The following PITPNB variants were observed in gnomAD, a reference collection of about 807,000 sequenced individuals.
PITPNB encodes phosphatidylinositol transfer protein beta.
In PITPNB, 16 loss-of-function variants were observed where a neutral mutation model predicts 45.9. The ratio of observed to expected loss-of-function variants is 0.35; its 90% CI spans 0.24 to 0.53. The LOEUF is 0.53. Among genes scored for constraint, PITPNB ranks in the 20% least tolerant of loss-of-function variants. The pLI is 0.93. For missense variants in PITPNB, 188 were observed against 330.5 expected (o/e 0.57, Z 3.34); for synonymous variants, 112 against 108.9 (o/e 1.03, Z -0.18).
At chr22:27,882,796 C>T (rs1420336109) in intron 7 of PITPNB, among the ~76,000 whole-genome samples, 1 of 152,198 alleles carries the variant, frequency 6.6e-6, no homozygotes, top group Admixed American at 6.5e-5. Context: ...ACTACACAAC[C>T]AACAGTTGGA....
chr22:27,912,378 C>T (rs959844259), intron 2 of PITPNB, among the ~76,000 whole-genome samples: 11 of 152,162 alleles, frequency 7.2e-5, no homozygotes, highest in Non-Finnish European at 1.5e-4. Flanking sequence ...GACTGCATTT[C>T]TCCTTTTGGC....
chr22:27,894,728 G>A, intron 6 of PITPNB, 90 bp from the exon 7 acceptor site: 1 of 650,204 alleles, frequency 1.5e-6, no homozygotes, highest in Non-Finnish European at 2.6e-6. Context: ...GTCTCTCAGG[G>A]GACATTATAG....
rs187688814 is a variant in PITPNB at position 27,860,029 on chromosome 22, T to C, written c.645+102A>G. 7.9e-5 allele frequency: 53 copies of C among 673,342 alleles called. No individual in the cohort carries two copies. The East Asian group carries it at 8.3e-4, about 11-fold the overall frequency. The allele number at this position is 673,342 out of a possible 1,614,324, so 41.7% of individuals were successfully genotyped here. A position where few individuals can be genotyped will look rare whatever the true frequency, so the allele number is the denominator to read the frequency against. On this transcript the variant is annotated intron_variant, in intron 9 of 11. Transcript: ENST00000335272. ...TTATGTAGGGACAATAATTTTCATATCATAAAGGAGGAAAAAAAGTAATAA... is the reference window on the plus strand; with the variant it reads ...TTATGTAGGGACAATAATTTTCATACCATAAAGGAGGAAAAAAAGTAATAA...
intron 8 of PITPNB, among the ~76,000 whole-genome samples, chr22:27,866,762 T>A (rs1159018370): frequency 1.3e-5 from 2 of 152,200 alleles, no homozygotes; most frequent in Admixed American, 1.3e-4. Context: ...CATATTTTCA[T>A]TTTTCAATTT....
At chr22:27,912,218 A>T (rs996815577) in intron 2 of PITPNB, among the ~76,000 whole-genome samples, 1 of 152,210 alleles carries the variant, frequency 6.6e-6, no homozygotes, top group Non-Finnish European at 1.5e-5. Context: ...TACAAATCAC[A>T]TGGAGATATG....
At chr22:27,875,154 A>G (rs561045063) in intron 7 of PITPNB, among the ~76,000 whole-genome samples, 1 of 152,392 alleles carries the variant, frequency 6.6e-6, no homozygotes, top group South Asian at 2.1e-4. Context: ...TTAAAGAAAG[A>G]TAAGTCTGTA....
chr22:27,884,906 T>C (rs1935071855), intron 7 of PITPNB, among the ~76,000 whole-genome samples: 1 of 152,064 alleles, frequency 6.6e-6, no homozygotes, highest in South Asian at 2.1e-4. Flanking sequence ...AAAAGTACCT[T>C]GAAAATTATA....
chr22:27,891,397 G>T (rs140080542), intron 7 of PITPNB, among the ~76,000 whole-genome samples: 1 of 152,258 alleles, frequency 6.6e-6, no homozygotes, highest in African/African-American at 2.4e-5. Flanking sequence ...ACAATGCTTG[G>T]TGTGAACACA....
At chr22:27,877,759 G>A (rs1934860511) in intron 7 of PITPNB, among the ~76,000 whole-genome samples, 1 of 152,216 alleles carries the variant, frequency 6.6e-6, no homozygotes, top group Admixed American at 6.5e-5. Context: ...AAGTGAGTAG[G>A]AGGTGGGGGG....
At chr22:27,868,677 C>T (rs754585345) in intron 8 of PITPNB, among the ~76,000 whole-genome samples, 24 of 152,098 alleles carry the variant, frequency 1.6e-4, no homozygotes, top group Non-Finnish European at 3.2e-4. Context: ...ATGGGGCATG[C>T]CTTTATGATG....
chr22:27,882,316 G>A lies in PITPNB; in HGVS notation c.457-8501C>T, dbSNP rs144339291. Among the ~76,000 whole-genome samples the A allele has an allele frequency of 1.4e-3, 216 of 152,224 alleles. 1 individual carries two copies. The highest frequency in any genetic ancestry group is 8.3e-3 in the Admixed American group (127 of 15,286). On this transcript the variant is annotated intron_variant, in intron 7 of 11. Transcript: ENST00000335272. ...TGCTCACTAAAAAAACTCAAAAAAT[G>A]GAATGGTATGTTCGAAATGAAAAGA...
intron 6 of PITPNB, among the ~76,000 whole-genome samples, chr22:27,895,497 G>GGA (rs34547151): frequency 0.035 from 5,357 of 152,082 alleles, 139 homozygotes; most frequent in South Asian, 0.052. Context: ...GGCTGAGGCA[G>GGA]GAGAATTGCT....
At chr22:27,893,963 T>C (rs1387689807) in intron 7 of PITPNB, among the ~76,000 whole-genome samples, 1 of 152,168 alleles carries the variant, frequency 6.6e-6, no homozygotes, top group African/African-American at 2.4e-5. Flanking sequence ...AATAAGCATC[T>C]TTACTTGTGA....
intron 2 of PITPNB, 105 bp from the exon 3 acceptor site, chr22:27,911,214 A>G (rs1935911595): frequency 1.4e-6 from 1 of 725,384 alleles, no homozygotes; most frequent in Admixed American, 2.3e-5. Context: ...GCATATCCAA[A>G]CCATTCAGCA....
intron 3 of PITPNB, among the ~76,000 whole-genome samples, chr22:27,900,285 A>C (rs947869656): frequency 2.6e-5 from 4 of 152,148 alleles, no homozygotes; most frequent in Non-Finnish European, 5.9e-5. Flanking sequence ...ACATATTTTA[A>C]CTATCCATTT....
intron 1 of PITPNB, among the ~76,000 whole-genome samples, chr22:27,917,340 A>G (rs1010642446): frequency 6.6e-6 from 1 of 152,234 alleles, no homozygotes; most frequent in Non-Finnish European, 1.5e-5. Flanking sequence ...AAATACTCCA[A>G]TGAAAGAAAA....
At chr22:27,856,734 G>A (rs1469470450) in intron 10 of PITPNB, among the ~76,000 whole-genome samples, 6 of 152,172 alleles carry the variant, frequency 3.9e-5, no homozygotes, top group African/African-American at 9.7e-5. Flanking sequence ...TGGGCTTAGC[G>A]TGTTTGGGTG....
intron 1 of PITPNB, among the ~76,000 whole-genome samples, chr22:27,918,085 G>C (rs1457354264): frequency 1.3e-5 from 2 of 152,148 alleles, no homozygotes; most frequent in African/African-American, 4.8e-5. Context: ...GCAAGGAAAA[G>C]GTAGTAAATG....
intron 2 of PITPNB, among the ~76,000 whole-genome samples, chr22:27,913,507 T>G (rs1272447711): frequency 6.6e-6 from 1 of 152,232 alleles, no homozygotes; most frequent in Non-Finnish European, 1.5e-5. Flanking sequence ...TGCTCTTATC[T>G]TCATTCTTGT....
Sources: gnomAD v4.1 joint callset for allele counts (sites outside exome capture counted in the v4.1 genomes callset) on GRCh38, gnomAD v4.1.1 for gene constraint, MANE v1.5 for transcripts, NCBI Gene and HGNC (gene_info 2026-07-23, HGNC 2026-07-21) for gene names.